The following NXPH1 variants were observed in gnomAD, a reference collection of about 807,000 sequenced individuals.
The protein encoded by NXPH1 is neurexophilin 1, also known as neurexophilin-1.
In NXPH1, 5 loss-of-function variants were observed where a neutral mutation model predicts 23.7. That is an observed-to-expected ratio of 0.21 (90% CI 0.11 to 0.44). The LOEUF is 0.44. Ranked by LOEUF, NXPH1 falls within the 20% of genes least tolerant of loss-of-function variation. The pLI, the probability that NXPH1 is intolerant of heterozygous loss-of-function variation, is 0.99. For synonymous variants in NXPH1, 144 were observed against 122.2 expected (o/e 1.18, Z -1.18); for missense variants, 324 against 321.6 (o/e 1.01, Z -0.06).
At chr7:8,541,823 G>A (rs930579218) in intron 2 of NXPH1, among the ~76,000 whole-genome samples, 1 of 151,504 alleles carries the variant, frequency 6.6e-6, no homozygotes, top group South Asian at 2.1e-4. Context: ...AGTTAAAGAT[G>A]TATAGAGTTA....
intron 2 of NXPH1, among the ~76,000 whole-genome samples, chr7:8,459,779 A>C (rs1816661393): frequency 6.6e-6 from 1 of 152,200 alleles, no homozygotes; most frequent in Non-Finnish European, 1.5e-5. Flanking sequence ...CCCATTATGA[A>C]GTCTGCATGT....
rs1584185023 is a variant in NXPH1, at chr7:8,481,961, G to A, written c.54+46194G>A. Among the ~76,000 whole-genome samples, 6 of 152,282 alleles carry A rather than the reference G, an allele frequency of 3.9e-5. No individual in the cohort carries two copies. The East Asian group carries it at 1.2e-3, about 29-fold the overall frequency. ...TAGCACCTGATGCCCCCTCTGGACT[G>A]CTTCACTTCACCTTGGACCTGACGC... is the stretch of plus-strand genomic sequence containing the variant. On this transcript the variant is annotated intron_variant, in intron 2 of 2. Coordinates refer to ENST00000405863, the MANE Select transcript of NXPH1 (RefSeq NM_152745.3).
At chr7:8,729,976 A>C (rs571917170) in intron 2 of NXPH1, among the ~76,000 whole-genome samples, 1 of 151,446 alleles carries the variant, frequency 6.6e-6, no homozygotes, top group African/African-American at 2.4e-5. Context: ...TGGGAGTCTA[A>C]GTCTCTTTGT....
At chr7:8,488,550 G>T (rs1206629772) in intron 2 of NXPH1, among the ~76,000 whole-genome samples, 2 of 152,094 alleles carry the variant, frequency 1.3e-5, no homozygotes, top group Non-Finnish European at 2.9e-5. Context: ...GCCGCTTATA[G>T]TGCTACCAGA....
At chr7:8,602,337 T>C (rs1206162315) in intron 2 of NXPH1, among the ~76,000 whole-genome samples, 1 of 152,216 alleles carries the variant, frequency 6.6e-6, no homozygotes, top group Non-Finnish European at 1.5e-5. Context: ...CTTTCTGTTG[T>C]GTCTATAGAA....
intron 2 of NXPH1, among the ~76,000 whole-genome samples, chr7:8,704,532 C>T (rs1779673872): frequency 6.6e-6 from 1 of 152,136 alleles, no homozygotes; most frequent in South Asian, 2.1e-4. Context: ...GAGATAGCTT[C>T]CTGAATTCAC....
chr7:8,501,414 G>A (rs1023001165), intron 2 of NXPH1, among the ~76,000 whole-genome samples: 1 of 152,008 alleles, frequency 6.6e-6, no homozygotes, highest in Non-Finnish European at 1.5e-5. Context: ...CATGTATCCT[G>A]GGTAGAGCCT....
chr7:8,674,416 G>T (rs949821806), intron 2 of NXPH1, among the ~76,000 whole-genome samples: 17 of 152,064 alleles, frequency 1.1e-4, no homozygotes, highest in African/African-American at 4.1e-4. Context: ...ACACTTCTCT[G>T]TGGACCTCTG....
intron 2 of NXPH1, among the ~76,000 whole-genome samples, chr7:8,619,835 CATT>C (rs1162284928): frequency 1.3e-5 from 2 of 152,118 alleles, no homozygotes; most frequent in African/African-American, 4.8e-5. Flanking sequence ...GCTAGGAAGG[CATT>C]ATTATCTCTA....
intron 2 of NXPH1, among the ~76,000 whole-genome samples, chr7:8,448,924 T>TTGAGA (rs1475456646): frequency 6.6e-6 from 1 of 152,008 alleles, no homozygotes; most frequent in Non-Finnish European, 1.5e-5. Context: ...GATTGCCTAA[T>TTGAGA]TGAGATGAGA....
chr7:8,603,696 G>C (rs536194384), intron 2 of NXPH1, among the ~76,000 whole-genome samples: 9 of 152,204 alleles, frequency 5.9e-5, no homozygotes, highest in African/African-American at 2.2e-4. Context: ...ACATTGAAAG[G>C]TACACACTTT....
intron 2 of NXPH1, among the ~76,000 whole-genome samples, chr7:8,673,327 T>G (rs1820898280): frequency 6.6e-6 from 1 of 152,174 alleles, no homozygotes; most frequent in South Asian, 2.1e-4. Flanking sequence ...AACTGAATAC[T>G]TTATGAGAAA....
chr7:8,514,209 C>G (rs975356175), intron 2 of NXPH1, among the ~76,000 whole-genome samples: 1 of 152,138 alleles, frequency 6.6e-6, no homozygotes, highest in African/African-American at 2.4e-5. Context: ...TAATCCATAA[C>G]TTACCACATC....
At chr7:8,493,665 A>G (rs544816286) in intron 2 of NXPH1, among the ~76,000 whole-genome samples, 15 of 152,190 alleles carry the variant, frequency 9.9e-5, no homozygotes, top group Non-Finnish European at 1.8e-4. Context: ...CTTTTAGCTC[A>G]CTGAAGTCAG....
intron 2 of NXPH1, among the ~76,000 whole-genome samples, chr7:8,578,110 G>T (rs1334445036): frequency 1.3e-5 from 2 of 152,146 alleles, no homozygotes; most frequent in Non-Finnish European, 2.9e-5. Flanking sequence ...AACTTTTGGG[G>T]CGATTTGTTA....
At chr7:8,667,976 C>G (rs1021480294) in intron 2 of NXPH1, among the ~76,000 whole-genome samples, 1 of 117,196 alleles carries the variant, frequency 8.5e-6, no homozygotes, top group Non-Finnish European at 1.8e-5. Flanking sequence ...TGTTGATGTT[C>G]TCTATTGTAT....
rs116134802 is a variant in NXPH1, at chr7:8,542,826, A to G, written c.54+107059A>G. ...ATATAGGAATACCATTTTAGGTACAAGTTTACACAGGCAAAATAATGTGGG... is the reference window on the plus strand; with the variant it reads ...ATATAGGAATACCATTTTAGGTACAGGTTTACACAGGCAAAATAATGTGGG... On this transcript the variant is annotated intron_variant, in intron 2 of 2. Transcript: ENST00000405863. Among the ~76,000 whole-genome samples, 328 of 151,682 alleles carry G rather than the reference A, an allele frequency of 2.2e-3. 2 individuals are homozygous for G. The highest frequency in any genetic ancestry group is 7.4e-3 in the African/African-American group (305 of 41,476).
chr7:8,686,931 G>C (rs2189628), intron 2 of NXPH1, among the ~76,000 whole-genome samples: 3,313 of 152,126 alleles, frequency 0.022, 147 homozygotes, highest in East Asian at 0.17. Flanking sequence ...ATGCCTATAA[G>C]AAGTTTTATT....
intron 2 of NXPH1, among the ~76,000 whole-genome samples, chr7:8,448,920 C>G (rs139503907): frequency 6.6e-6 from 1 of 151,702 alleles, no homozygotes; most frequent in Non-Finnish European, 1.5e-5. Flanking sequence ...AATAGATTGC[C>G]TAATTGAGAT....
Sources: allele counts gnomAD v4.1 joint callset (sites outside exome capture counted in the v4.1 genomes callset), GRCh38; gene constraint gnomAD v4.1.1; transcripts MANE v1.5; gene names NCBI Gene and HGNC (gene_info 2026-07-23, HGNC 2026-07-21).